Variants in SNTG1 observed in about 807,000 individuals in gnomAD.
The protein encoded by SNTG1 is syntrophin gamma 1.
Under a neutral mutation model 74.7 loss-of-function variants are expected in SNTG1, and 39 were observed. The observed-to-expected ratio is 0.52, with a 90% CI of 0.40 to 0.68. SNTG1 has a LOEUF of 0.68. Ranked by LOEUF, SNTG1 falls within the 30% of genes least tolerant of loss-of-function variation. The pLI is 0.00. For synonymous variants in SNTG1, 254 were observed against 217.1 expected, an observed-to-expected ratio of 1.17 and a Z score of -1.49; for missense variants, 685 against 609.5, an observed-to-expected ratio of 1.12 and a Z score of -1.30.
At chr8:50,163,638 C>A (rs1388320511) in intron 1 of SNTG1, 1 of 151,984 alleles carries the variant, frequency 6.6e-6, no homozygotes, top group Non-Finnish European at 1.5e-5. Context: ...GCGCCCGCCA[C>A]CACGCCCGGC....
chr8:50,533,198 T>C (rs1260937705), intron 10 of SNTG1, among the ~76,000 whole-genome samples: 1 of 152,216 alleles, frequency 6.6e-6, no homozygotes, highest in African/African-American at 2.4e-5. Flanking sequence ...GAATTTGTTC[T>C]GTGCTTACCA....
intron 1 of SNTG1, among the ~76,000 whole-genome samples, chr8:50,014,265 C>T (rs141233095): frequency 5.6e-4 from 85 of 152,226 alleles, no homozygotes; most frequent in Middle Eastern, 3.4e-3. Flanking sequence ...CCTGTGAAAT[C>T]TCTGAGTGTG....
intron 1 of SNTG1, chr8:50,164,088 A>ATTTT (rs1223746862): frequency 1.9e-5 from 2 of 105,072 alleles, no homozygotes; most frequent in African/African-American, 1.0e-4. Context: ...GAAAGACACA[A>ATTTT]TTTCTTTTTT....
intron 13 of SNTG1, among the ~76,000 whole-genome samples, chr8:50,651,487 C>G (rs2392705): frequency 1.3e-5 from 2 of 151,880 alleles, no homozygotes; most frequent in African/African-American, 4.8e-5. Flanking sequence ...GATGGATTTT[C>G]GCTCTTGTTG....
intron 2 of SNTG1, among the ~76,000 whole-genome samples, chr8:50,348,664 T>C (rs182513014): frequency 3.3e-5 from 5 of 152,310 alleles, no homozygotes; most frequent in Non-Finnish European, 7.3e-5. Context: ...CTAATAAAGA[T>C]GACTATTTAA....
chr8:50,157,228 C>T (rs1035045680), intron 1 of SNTG1, among the ~76,000 whole-genome samples: 1 of 151,976 alleles, frequency 6.6e-6, no homozygotes, highest in African/African-American at 2.4e-5. Flanking sequence ...GGTAGTATTT[C>T]ATTTGTTTGC....
At chr8:50,136,658 C>T (rs1250966207) in intron 1 of SNTG1, among the ~76,000 whole-genome samples, 1 of 152,162 alleles carries the variant, frequency 6.6e-6, no homozygotes, top group Non-Finnish European at 1.5e-5. Context: ...CTATAACTTC[C>T]AGCCCAGCCT....
At chr8:50,418,732 C>A (rs183402268) in intron 4 of SNTG1, among the ~76,000 whole-genome samples, 1 of 152,148 alleles carries the variant, frequency 6.6e-6, no homozygotes, top group East Asian at 1.9e-4. Context: ...AAACTAAACT[C>A]TTGATTATTC....
intron 1 of SNTG1, among the ~76,000 whole-genome samples, chr8:50,104,674 T>A (rs979848154): frequency 2.0e-5 from 3 of 152,232 alleles, no homozygotes; most frequent in Non-Finnish European, 4.4e-5. Context: ...ATTTTGGATC[T>A]TTCCTGCTTT....
chr8:50,170,405 A>G (rs999447644), intron 1 of SNTG1, among the ~76,000 whole-genome samples: 22 of 152,178 alleles, frequency 1.4e-4, no homozygotes, highest in Non-Finnish European at 2.6e-4. Flanking sequence ...AAAAGATATG[A>G]TAATGATTCT....
rs986295916 is a variant in SNTG1, at chr8:50,172,609, G to C, written c.-54G>C. The C allele has an allele frequency of 3.9e-5, 6 of 151,936 alleles. No individual in the cohort carries two copies. The highest frequency in any genetic ancestry group is 1.2e-4 in the African/African-American group (5 of 41,372). 9.4% of individuals were successfully genotyped at this position (151,936 alleles called of 1,614,324 possible). On this transcript the variant is annotated 5_prime_UTR_variant, in exon 2 of 19. Coordinates refer to ENST00000642720, the MANE Select transcript of SNTG1 (RefSeq NM_018967.5). ...TGCCCGAGAAGTGACCCCAGCAAAA[G>C]AAAAATATTGCTGTACCTAAATTCA...
chr8:50,704,076 C>T (rs2095435364), intron 15 of SNTG1, among the ~76,000 whole-genome samples: 1 of 151,556 alleles, frequency 6.6e-6, no homozygotes, highest in Non-Finnish European at 1.5e-5. Context: ...TTTTTTGATA[C>T]AATGAAATAC....
chr8:50,491,844 A>G (rs189264358), intron 8 of SNTG1, among the ~76,000 whole-genome samples: 2,713 of 151,750 alleles, frequency 0.018, 97 homozygotes, highest in African/African-American at 0.063. Context: ...CATCATCTAC[A>G]TTAGGTATTT....
At chr8:50,540,193 A>T (rs1230627056) in intron 11 of SNTG1, among the ~76,000 whole-genome samples, 6 of 152,218 alleles carry the variant, frequency 3.9e-5, no homozygotes, top group African/African-American at 1.4e-4. Context: ...TAAGAAATCC[A>T]CAAGTATTGA....
intron 2 of SNTG1, among the ~76,000 whole-genome samples, chr8:50,340,554 C>T (rs932481349): frequency 2.6e-5 from 4 of 151,932 alleles, no homozygotes; most frequent in African/African-American, 4.8e-5. Flanking sequence ...TTACAATCCT[C>T]ACAAAAATAA....
chr8:50,105,528 G>T (rs551250079), intron 1 of SNTG1, among the ~76,000 whole-genome samples: 4 of 151,818 alleles, frequency 2.6e-5, no homozygotes, highest in African/African-American at 9.6e-5. Context: ...GGCTCTTTGG[G>T]CTCTTTTTTG....
intron 2 of SNTG1, among the ~76,000 whole-genome samples, chr8:50,195,651 T>A (rs2083739518): frequency 6.6e-6 from 1 of 152,094 alleles, no homozygotes; most frequent in Non-Finnish European, 1.5e-5. Flanking sequence ...TTCACTTAGC[T>A]CTCTAAATTG....
At chr8:50,068,541 C>T (rs887986126) in intron 1 of SNTG1, among the ~76,000 whole-genome samples, 1 of 152,174 alleles carries the variant, frequency 6.6e-6, no homozygotes, top group African/African-American at 2.4e-5. Context: ...CCCCTGCCAG[C>T]CAGGACAGTT....
chr8:50,655,268 T>C (rs1160239859), intron 13 of SNTG1, among the ~76,000 whole-genome samples: 1 of 152,206 alleles, frequency 6.6e-6, no homozygotes, highest in Non-Finnish European at 1.5e-5. Flanking sequence ...TAAATATATA[T>C]TAAACTAAGT....
Sources: gnomAD v4.1 joint callset for allele counts (sites outside exome capture counted in the v4.1 genomes callset) on GRCh38, gnomAD v4.1.1 for gene constraint, MANE v1.5 for transcripts, NCBI Gene and HGNC (gene_info 2026-07-23, HGNC 2026-07-21) for gene names.